RALYL: variants seen among roughly 807,000 people sequenced by gnomAD.
The protein encoded by RALYL is RALY RNA binding protein like.
In RALYL, 29 loss-of-function variants were observed where a neutral mutation model predicts 35.1. The ratio of observed to expected loss-of-function variants is 0.83; its 90% CI spans 0.61 to 1.13. The LOEUF (loss-of-function observed/expected upper bound fraction) is 1.13. RALYL is among the 50% of genes most tolerant of loss of function. The pLI is 0.00. For missense variants in RALYL, 359 were observed against 360.4 expected (o/e 1.00, Z 0.03); for synonymous variants, 120 against 127.6 (o/e 0.94, Z 0.40).
At chr8:84,300,998 A>G (rs1449880612) in intron 1 of RALYL, among the ~76,000 whole-genome samples, 1 of 151,928 alleles carries the variant, frequency 6.6e-6, no homozygotes, top group Non-Finnish European at 1.5e-5. Flanking sequence ...TATGTATGTA[A>G]GTGTGTTTTT....
At chr8:84,382,386 A>G (rs1373609318) in intron 1 of RALYL, among the ~76,000 whole-genome samples, 3 of 151,786 alleles carry the variant, frequency 2.0e-5, no homozygotes. Flanking sequence ...CATGTAATAC[A>G]TACTGATGCA....
chr8:84,522,303 G>T (rs528577978), intron 1 of RALYL, among the ~76,000 whole-genome samples: 6 of 145,492 alleles, frequency 4.1e-5, no homozygotes, highest in African/African-American at 1.3e-4. Context: ...AGGCTGGAGT[G>T]CAGTGGCGGG....
intron 2 of RALYL, among the ~76,000 whole-genome samples, chr8:84,721,354 G>A (rs1438683786): frequency 6.6e-6 from 1 of 152,082 alleles, no homozygotes; most frequent in African/African-American, 2.4e-5. Context: ...CTGCAGCACT[G>A]TTCACAATGG....
chr8:84,597,165 T>TA (rs1208147449), intron 2 of RALYL, among the ~76,000 whole-genome samples: 2 of 152,158 alleles, frequency 1.3e-5, no homozygotes, highest in Non-Finnish European at 2.9e-5. Flanking sequence ...GAAGTTTTTC[T>TA]AAAGTAATGA....
At chr8:84,478,141 T>G (rs138844663) in intron 1 of RALYL, among the ~76,000 whole-genome samples, 1 of 152,148 alleles carries the variant, frequency 6.6e-6, no homozygotes, top group South Asian at 2.1e-4. Context: ...ATATTAATAT[T>G]GTAGATTTTT....
intron 8 of RALYL, among the ~76,000 whole-genome samples, chr8:84,894,553 C>A (rs1844413215): frequency 6.6e-6 from 1 of 152,226 alleles, no homozygotes; most frequent in Admixed American, 6.5e-5. Flanking sequence ...GGATGAACAG[C>A]CATGGTGAAT....
chr8:84,751,280 T>C (rs755314188), intron 2 of RALYL, among the ~76,000 whole-genome samples: 3 of 152,076 alleles, frequency 2.0e-5, no homozygotes, highest in Non-Finnish European at 4.4e-5. Flanking sequence ...TGATCTTGGC[T>C]CACTGCAACC....
chr8:84,716,200 A>G (rs1233583352), intron 2 of RALYL, among the ~76,000 whole-genome samples: 3 of 152,126 alleles, frequency 2.0e-5, no homozygotes, highest in Admixed American at 6.6e-5. Context: ...GTTGACTTTG[A>G]AGTCACCTCT....
At chr8:84,609,270 C>A (rs1817792277) in intron 2 of RALYL, among the ~76,000 whole-genome samples, 1 of 152,168 alleles carries the variant, frequency 6.6e-6, no homozygotes, top group Non-Finnish European at 1.5e-5. Flanking sequence ...TTCTGAGGAA[C>A]TTAAATTTAT....
At chr8:84,425,494 A>G (rs1326425718) in intron 1 of RALYL, among the ~76,000 whole-genome samples, 1 of 152,186 alleles carries the variant, frequency 6.6e-6, no homozygotes, top group Non-Finnish European at 1.5e-5. Flanking sequence ...ATGGAAATGC[A>G]GAAATCACCC....
chr8:84,628,740 G>GA (rs1429048438), intron 2 of RALYL, among the ~76,000 whole-genome samples: 2 of 151,998 alleles, frequency 1.3e-5, no homozygotes. Flanking sequence ...GGCCTAGCAG[G>GA]AATAACAGTA....
intron 2 of RALYL, among the ~76,000 whole-genome samples, chr8:84,611,758 C>G (rs1233165123): frequency 1.3e-5 from 2 of 152,020 alleles, no homozygotes; most frequent in African/African-American, 4.8e-5. Flanking sequence ...TACTTTTCAC[C>G]TACTTTCTCA....
At chr8:84,368,805 T>C (rs951635777) in intron 1 of RALYL, among the ~76,000 whole-genome samples, 3 of 152,178 alleles carry the variant, frequency 2.0e-5, no homozygotes, top group African/African-American at 7.2e-5. Flanking sequence ...AGATGAGATA[T>C]GGGTGGGGAC....
intron 2 of RALYL, among the ~76,000 whole-genome samples, chr8:84,631,869 AG>A (rs1437984819): frequency 9.2e-5 from 14 of 152,128 alleles, no homozygotes; most frequent in African/African-American, 3.4e-4. Context: ...TGTTACTTAA[AG>A]GTGAAGACAT....
At chr8:84,250,982 G>A (rs1173718246) in intron 1 of RALYL, among the ~76,000 whole-genome samples, 1 of 152,006 alleles carries the variant, frequency 6.6e-6, no homozygotes, top group Non-Finnish European at 1.5e-5. Context: ...ACAGTTATTT[G>A]TTCCCAATTC....
At chr8:84,632,198 T>C (rs1824064371) in intron 2 of RALYL, among the ~76,000 whole-genome samples, 1 of 151,920 alleles carries the variant, frequency 6.6e-6, no homozygotes, top group Non-Finnish European at 1.5e-5. Flanking sequence ...ACACAGAATC[T>C]GCCAGTGGCT....
intron 1 of RALYL, among the ~76,000 whole-genome samples, chr8:84,305,134 A>G (rs929567764): frequency 6.6e-6 from 1 of 152,224 alleles, no homozygotes; most frequent in Non-Finnish European, 1.5e-5. Flanking sequence ...ATGAACTATT[A>G]AGTAAAAAAA....
At chr8:84,353,693 T>C (rs1414158235) in intron 1 of RALYL, among the ~76,000 whole-genome samples, 1 of 150,394 alleles carries the variant, frequency 6.6e-6, no homozygotes, top group Non-Finnish European at 1.5e-5. Context: ...TTCTAACTTA[T>C]GAAAAAAACA....
intron 4 of RALYL, among the ~76,000 whole-genome samples, chr8:84,810,971 A>G (rs1188332578): frequency 3.3e-5 from 5 of 152,128 alleles, no homozygotes; most frequent in African/African-American, 1.2e-4. Flanking sequence ...TAAGCAAAGC[A>G]TTTAGGCCAT....
Sources: gnomAD v4.1 joint callset for allele counts (sites outside exome capture counted in the v4.1 genomes callset) on GRCh38, gnomAD v4.1.1 for gene constraint, MANE v1.5 for transcripts, NCBI Gene and HGNC (gene_info 2026-07-23, HGNC 2026-07-21) for gene names.